Variants in SLC24A4 observed in about 807,000 individuals in gnomAD.
The protein encoded by SLC24A4 is solute carrier family 24 member 4, also known as sodium/potassium/calcium exchanger 4.
Under a neutral mutation model 79.0 loss-of-function variants are expected in SLC24A4, and 53 were observed. That is an observed-to-expected ratio of 0.67 (90% CI 0.54 to 0.84). The LOEUF is 0.84. SLC24A4 is among the 40% of genes least tolerant of loss of function. The pLI is 0.00. For synonymous variants in SLC24A4, 323 were observed against 323.8 expected (o/e 1.00, Z 0.03); for missense variants, 731 against 822.0 (o/e 0.89, Z 1.35).
chr14:92,481,266 C>T (rs2139920484), intron 12 of SLC24A4, among the ~76,000 whole-genome samples: 1 of 152,366 alleles, frequency 6.6e-6, no homozygotes, highest in East Asian at 1.9e-4. Context: ...AGGAGCTTTT[C>T]AAAGCCCACT....
intron 2 of SLC24A4, among the ~76,000 whole-genome samples, chr14:92,433,494 T>C (rs908753219): frequency 1.3e-5 from 2 of 152,186 alleles, no homozygotes; most frequent in African/African-American, 2.4e-5. Flanking sequence ...ATATGGTCTA[T>C]GCTTAATCTT....
chr14:92,470,738 A>G (rs935057496), intron 12 of SLC24A4, among the ~76,000 whole-genome samples: 6 of 152,178 alleles, frequency 3.9e-5, no homozygotes, highest in Non-Finnish European at 8.8e-5. Flanking sequence ...GAGAATGTCC[A>G]TCAGTATAGG....
intron 2 of SLC24A4, among the ~76,000 whole-genome samples, chr14:92,358,345 A>G (rs1394901011): frequency 6.6e-6 from 1 of 152,192 alleles, no homozygotes; most frequent in Non-Finnish European, 1.5e-5. Context: ...GATAGATGTC[A>G]TGCGTGTAGG....
At chr14:92,466,560 T>C (rs1299755967) in intron 12 of SLC24A4, among the ~76,000 whole-genome samples, 1 of 152,090 alleles carries the variant, frequency 6.6e-6, no homozygotes, top group Non-Finnish European at 1.5e-5. Flanking sequence ...ATAATAAAAA[T>C]ACCAAAAATT....
Position 92,486,686 on chromosome 14 carries a change from A to C in SLC24A4, c.1443A>C (p.Thr481=). The change falls in exon 14 of 17, where the codon ACA becomes ACC. Residue 481 remains threonine, a synonymous_variant. Coordinates refer to ENST00000532405, the MANE Select transcript of SLC24A4 (RefSeq NM_153646.4). The stretch of plus-strand genomic sequence containing the variant: ...TGCAGGTGACTATTATCGGATACAC[A>C]CTTGGGATCCCGGATGTCATCATGG... The part of the protein sequence containing the change: ...MVWLVTIIGY[T]LGIPDVIMGI... 1.2e-6 allele frequency: 2 copies of C among 1,613,970 alleles called. No individual in the cohort carries two copies. Among genetic ancestry groups the C allele is most frequent in the South Asian group, 1.1e-5 (1 of 91,082 alleles).
At chr14:92,491,011 T>C (rs1325216730) in intron 14 of SLC24A4, among the ~76,000 whole-genome samples, 1 of 152,200 alleles carries the variant, frequency 6.6e-6, no homozygotes, top group Non-Finnish European at 1.5e-5. Context: ...AAGAACCTCC[T>C]TAAAAACAAC....
chr14:92,351,596 C>T (rs1320051181), intron 2 of SLC24A4, among the ~76,000 whole-genome samples: 1 of 152,202 alleles, frequency 6.6e-6, no homozygotes, highest in Non-Finnish European at 1.5e-5. Flanking sequence ...GTGGCTCATG[C>T]ATGTAATCCC....
intron 3 of SLC24A4, among the ~76,000 whole-genome samples, chr14:92,435,114 A>G (rs866964410): frequency 6.6e-6 from 1 of 152,222 alleles, no homozygotes; most frequent in African/African-American, 2.4e-5. Context: ...TTATCAAGCT[A>G]TAACCTCATT....
intron 2 of SLC24A4, among the ~76,000 whole-genome samples, chr14:92,405,439 T>C (rs891191565): frequency 1.6e-4 from 25 of 152,320 alleles, no homozygotes; most frequent in African/African-American, 5.5e-4. Flanking sequence ...TGGCATACAG[T>C]AGCAAAGGTT....
At chr14:92,415,392 A>G (rs541294774) in intron 2 of SLC24A4, among the ~76,000 whole-genome samples, 2 of 152,238 alleles carry the variant, frequency 1.3e-5, no homozygotes, top group Non-Finnish European at 2.9e-5. Context: ...AGACTCACAA[A>G]TGGTGGGAAA....
At chr14:92,357,359 T>C (rs1225265469) in intron 2 of SLC24A4, among the ~76,000 whole-genome samples, 1 of 152,224 alleles carries the variant, frequency 6.6e-6, no homozygotes, top group Admixed American at 6.5e-5. Flanking sequence ...GAAGAATATA[T>C]GTTGCATTTT....
intron 2 of SLC24A4, among the ~76,000 whole-genome samples, chr14:92,383,876 G>T (rs1045298828): frequency 6.6e-6 from 1 of 152,288 alleles, no homozygotes; most frequent in South Asian, 2.1e-4. Flanking sequence ...GCATTTCCGC[G>T]GGAAGATCTT....
intron 2 of SLC24A4, among the ~76,000 whole-genome samples, chr14:92,339,597 G>T (rs1195701850): frequency 6.6e-6 from 1 of 152,216 alleles, no homozygotes; most frequent in East Asian, 1.9e-4. Context: ...GCTTTGCCGG[G>T]GTAGGCGGAG....
At chr14:92,414,392 G>T (rs79499302) in intron 2 of SLC24A4, among the ~76,000 whole-genome samples, 2,105 of 152,274 alleles carry the variant, frequency 0.014, 13 homozygotes, top group Non-Finnish European at 0.021. Context: ...TGTGGTGAAA[G>T]ACTTGTTAAC....
intron 2 of SLC24A4, among the ~76,000 whole-genome samples, chr14:92,425,029 G>C (rs965893150): frequency 6.6e-6 from 1 of 152,270 alleles, no homozygotes; most frequent in Admixed American, 6.5e-5. Context: ...CAAGATTGGG[G>C]ATCACAGTCA....
chr14:92,437,207 C>G (rs1892223590), intron 3 of SLC24A4, among the ~76,000 whole-genome samples: 2 of 152,212 alleles, frequency 1.3e-5, no homozygotes, highest in Non-Finnish European at 2.9e-5. Flanking sequence ...ACCTCATATT[C>G]TCTGTTTTCC....
intron 2 of SLC24A4, among the ~76,000 whole-genome samples, chr14:92,368,687 A>G (rs1566718884): frequency 6.6e-6 from 1 of 152,164 alleles, no homozygotes; most frequent in Non-Finnish European, 1.5e-5. Context: ...AGTCACCCGG[A>G]GACAGCTGCT....
intron 2 of SLC24A4, among the ~76,000 whole-genome samples, chr14:92,349,439 C>T (rs1014374599): frequency 9.9e-5 from 15 of 152,222 alleles, no homozygotes; most frequent in African/African-American, 2.9e-4. Flanking sequence ...GGATTACAGG[C>T]GTGAGCCACC....
intron 2 of SLC24A4, among the ~76,000 whole-genome samples, chr14:92,380,321 C>T (rs1888766596): frequency 6.6e-6 from 1 of 152,188 alleles, no homozygotes. Context: ...GCCAGCCTTC[C>T]TTCCTGATCC....
Sources: allele counts gnomAD v4.1 joint callset (sites outside exome capture counted in the v4.1 genomes callset), GRCh38; gene constraint gnomAD v4.1.1; transcripts MANE v1.5; gene names NCBI Gene and HGNC (gene_info 2026-07-23, HGNC 2026-07-21).